Variants in USP47 observed in about 807,000 individuals in gnomAD.
USP47 encodes the protein ubiquitin carboxyl-terminal hydrolase 47.
Under a neutral mutation model 165.1 loss-of-function variants are expected in USP47, and 35 were observed. The ratio of observed to expected loss-of-function variants is 0.21; its 90% CI spans 0.16 to 0.28. USP47 has a LOEUF of 0.28. Ranked by LOEUF, USP47 falls within the 10% of genes least tolerant of loss-of-function variation. The pLI, the probability that USP47 is intolerant of heterozygous loss-of-function variation, is 1.00. For missense variants in USP47, 1,277 were observed against 1,607.4 expected, an observed-to-expected ratio of 0.79 and a Z score of 3.52; for synonymous variants, 531 against 544.5, an observed-to-expected ratio of 0.98 and a Z score of 0.35.
At chr11:11,918,354 G>A (rs1437655397) in intron 8 of USP47, among the ~76,000 whole-genome samples, 1 of 152,130 alleles carries the variant, frequency 6.6e-6, no homozygotes, top group Non-Finnish European at 1.5e-5. Flanking sequence ...AACAAAATCT[G>A]TGGCCTTGAG....
chr11:11,949,297 A>G (rs1194633861), intron 22 of USP47, among the ~76,000 whole-genome samples: 1 of 152,202 alleles, frequency 6.6e-6, no homozygotes, highest in African/African-American at 2.4e-5. Context: ...TCAGAATGTT[A>G]TAACATCCTA....
chr11:11,908,618 T>C (rs1314531394), intron 8 of USP47, among the ~76,000 whole-genome samples: 2 of 152,100 alleles, frequency 1.3e-5, no homozygotes, highest in African/African-American at 2.4e-5. Flanking sequence ...TTTAGTATGA[T>C]AACAGGTTAT....
intron 8 of USP47, among the ~76,000 whole-genome samples, chr11:11,910,761 C>T (rs1056236198): frequency 6.6e-6 from 1 of 151,994 alleles, no homozygotes; most frequent in African/African-American, 2.4e-5. Flanking sequence ...ATGGCAGAGC[C>T]CTTTCCCCAG....
In USP47 at chr11:11,948,009, T is replaced by C. The variant is rs1356173590; in HGVS notation, c.3156T>C (p.Phe1052=). Residue 1052 remains phenylalanine (F), a synonymous_variant, in exon 21 of 28, where the codon TTT becomes TTC. Transcript: ENST00000527733. ...CTTTCAAACAACATTTAGAGCCCTT[T>C]GTTGGAGTTTTGTCCTCTCACTTCA... is the stretch of plus-strand genomic sequence containing the variant. The part of the protein sequence containing the change: ...LAAFKQHLEP[F]VGVLSSHFKV... The C allele has an allele frequency of 2.5e-6, 4 of 1,613,774 alleles. No homozygotes were observed. The African/African-American group carries it at 5.3e-5, about 22-fold the overall frequency.
chr11:11,870,423 T>G (rs982879605), intron 1 of USP47, among the ~76,000 whole-genome samples: 2 of 152,234 alleles, frequency 1.3e-5, no homozygotes, highest in Non-Finnish European at 2.9e-5. Context: ...GTATTATATT[T>G]AGCTATATTT....
chr11:11,865,660 C>A (rs1265102041), intron 1 of USP47, among the ~76,000 whole-genome samples: 3 of 152,076 alleles, frequency 2.0e-5, no homozygotes, highest in Admixed American at 2.0e-4. Flanking sequence ...CACATCCTTA[C>A]CAACACTTTT....
At chr11:11,880,405 A>T in intron 2 of USP47, 25 bp downstream of exon 2, 1 of 1,268,712 alleles carries the variant, frequency 7.9e-7, no homozygotes. Flanking sequence ...TTAAGCTTCT[A>T]AAAATGTTAT....
chr11:11,887,746 TCCCCACCCCACA>T (rs1303556960), intron 3 of USP47, among the ~76,000 whole-genome samples: 2 of 152,004 alleles, frequency 1.3e-5, no homozygotes, highest in Non-Finnish European at 2.9e-5. Flanking sequence ...TCTACAGAAC[TCCCCACCCCACA>T]ACAACAGAAT....
chr11:11,920,291 T>C, intron 9 of USP47, 40 bp downstream of exon 9: 1 of 1,606,350 alleles, frequency 6.2e-7, no homozygotes, highest in Non-Finnish European at 8.5e-7. Flanking sequence ...GAATCTGAGA[T>C]AATATTCCAT....
intron 16 of USP47, among the ~76,000 whole-genome samples, chr11:11,935,469 TAAAA>T (rs1564887182): frequency 6.7e-6 from 1 of 148,432 alleles, no homozygotes; most frequent in Admixed American, 6.8e-5. Context: ...AGTTCGCAAA[TAAAA>T]AGAAACAAAC....
intron 1 of USP47, among the ~76,000 whole-genome samples, chr11:11,870,888 C>T (rs1227274759): frequency 6.6e-6 from 1 of 152,196 alleles, no homozygotes; most frequent in South Asian, 2.1e-4. Context: ...ATCTTAGATA[C>T]TTATTTTTTT....
Position 11,943,121 on chromosome 11 carries a change from T to C in USP47, c.3091+9T>C, listed in dbSNP as rs758025243. On this transcript the variant is annotated intron_variant, in intron 20 of 27. Transcript: ENST00000527733. ...TGGGGAAGGACATAAATGTATGTAC[T>C]TCAAAAGAAAAACGGTCCTTGAAAC... The C allele has an allele frequency of 2.5e-6, 4 of 1,579,538 alleles. No homozygotes were observed. The highest frequency in any genetic ancestry group is 4.5e-5 in the East Asian group (2 of 44,568).
chr11:11,929,366 A>G (rs1466611422), intron 11 of USP47, 68 bp from the exon 12 acceptor site: 10 of 1,566,514 alleles, frequency 6.4e-6, no homozygotes, highest in Non-Finnish European at 8.6e-7. Context: ...TTAACAGAGA[A>G]TAGGAAATAC....
rs117090695 is a variant in USP47, at chr11:11,859,295, A to G, written c.39+17071A>G. 9.7e-3 allele frequency among the ~76,000 whole-genome samples: 1,477 copies of G among 152,280 alleles called. 17 individuals carry two copies. The highest frequency in any genetic ancestry group is 0.012 in the Non-Finnish European group (829 of 68,026). The stretch of plus-strand genomic sequence containing the variant: ...AGGGAAAACTGGTAATAATGTTAAC[A>G]TGATGCTAGTTACAATTTTGGTAGG... On this transcript the variant is annotated intron_variant, in intron 1 of 27. Coordinates refer to ENST00000527733, the MANE Select transcript of USP47 (RefSeq NM_001282659.2).
At chr11:11,936,084 A>G (rs1420769128) in intron 16 of USP47, among the ~76,000 whole-genome samples, 2 of 151,782 alleles carry the variant, frequency 1.3e-5, no homozygotes, top group African/African-American at 2.4e-5. Context: ...CATGCTTTAT[A>G]TGATTGGAGG....
At chr11:11,935,269 G>T (rs551385548) in intron 16 of USP47, among the ~76,000 whole-genome samples, 114 of 152,036 alleles carry the variant, frequency 7.5e-4, no homozygotes, top group Middle Eastern at 3.4e-3. Flanking sequence ...TTCTGGTTTT[G>T]CTCACAGTTT....
rs754320572 is a variant in USP47 at position 11,884,461 on chromosome 11, C to A, written c.244-6C>A. 6.4e-7 allele frequency: 1 copy of A among 1,573,314 alleles called. No individual in the cohort carries two copies. On this transcript the variant is annotated splice_polypyrimidine_tract_variant and splice_region_variant and intron_variant, in intron 2 of 27. Transcript: ENST00000527733. ...TAATCTGAAACATTATGTTTTATGT[C>A]CATAGGCACCACTGGATCATACCAG...
intron 1 of USP47, among the ~76,000 whole-genome samples, chr11:11,864,143 A>T (rs1849536489): frequency 1.3e-5 from 2 of 152,002 alleles, no homozygotes; most frequent in African/African-American, 4.8e-5. Flanking sequence ...CACTCAAATT[A>T]TATTAATTCC....
In USP47 at chr11:11,846,373, A is replaced by G. The variant is rs185383229; in HGVS notation, c.39+4149A>G. ...GTTCTTCTCTCAAGTGTCTTATAGA[A>G]TGATCAAGGATAAGGTGCATATTTA... On this transcript the variant is annotated intron_variant, in intron 1 of 27. Coordinates refer to ENST00000527733, the MANE Select transcript of USP47 (RefSeq NM_001282659.2). Among the ~76,000 whole-genome samples the G allele has an allele frequency of 2.6e-4, 39 of 152,322 alleles. No homozygotes were observed. The East Asian group carries it at 7.1e-3, about 28-fold the overall frequency.
Sources: gnomAD v4.1 joint callset for allele counts (sites outside exome capture counted in the v4.1 genomes callset) on GRCh38, gnomAD v4.1.1 for gene constraint, MANE v1.5 for transcripts, NCBI Gene and HGNC (gene_info 2026-07-23, HGNC 2026-07-21) for gene names.